The following EML1 variants were observed in gnomAD, a reference collection of about 807,000 sequenced individuals.
EML1 encodes echinoderm microtubule-associated protein-like 1.
In EML1, 27 loss-of-function variants were observed where a neutral mutation model predicts 110.4. The ratio of observed to expected loss-of-function variants is 0.24; its 90% CI spans 0.18 to 0.34. The LOEUF (loss-of-function observed/expected upper bound fraction) is 0.34. Ranked by LOEUF, EML1 falls within the 10% of genes least tolerant of loss-of-function variation. The pLI is 1.00. For synonymous variants in EML1, 344 were observed against 385.8 expected, an observed-to-expected ratio of 0.89 and a Z score of 1.27; for missense variants, 741 against 1,030.9, an observed-to-expected ratio of 0.72 and a Z score of 3.85.
At chr14:99,894,570 T>A in intron 5 of EML1, 59 bp from the exon 6 acceptor site, 2 of 1,555,192 alleles carry the variant, frequency 1.3e-6, no homozygotes, top group Non-Finnish European at 1.7e-6. Context: ...GATAAAGCAT[T>A]TGTTTTCAGG....
intron 9 of EML1, among the ~76,000 whole-genome samples, chr14:99,902,977 A>G (rs1039817389): frequency 6.6e-6 from 1 of 152,228 alleles, no homozygotes; most frequent in Non-Finnish European, 1.5e-5. Context: ...CAGTTTCTCC[A>G]GTTGTGTCCT....
In EML1 at chr14:99,901,054, T is replaced by C. The variant is rs2059754967; in HGVS notation, c.1008+15T>C. ...TCTCAAAATCTGTAAGTATGTGCCC[T>C]GTGGATATTGCTGTCTTCTTCCACA... On this transcript the variant is annotated intron_variant, in intron 9 of 21. Transcript: ENST00000262233. 5.0e-6 allele frequency: 8 copies of C among 1,600,194 alleles called. No homozygotes were observed. Among genetic ancestry groups the C allele is most frequent in the Non-Finnish European group, 6.9e-6 (8 of 1,167,428 alleles).
chr14:99,754,902 G>A (rs1595241205), intron 1 of EML1, among the ~76,000 whole-genome samples: 2 of 152,232 alleles, frequency 1.3e-5, no homozygotes, highest in East Asian at 3.9e-4. Context: ...GAGACAGCAG[G>A]CACCTGCCTC....
chr14:99,865,429 C>T lies in EML1; in HGVS notation c.251-85C>T, dbSNP rs76785508. 51 of 1,557,440 alleles carry T rather than the reference C, an allele frequency of 3.3e-5. No homozygotes were observed. In the African/African-American group the frequency reaches 6.6e-4, roughly 20 times the overall value. ...CCTCCTGCTGTGTGGCCTCATCTTC[C>T]TAACAGGCAGTTGAGGACCCCTGCT... On this transcript the variant is annotated intron_variant, in intron 2 of 21. Transcript: ENST00000262233.
intron 2 of EML1, among the ~76,000 whole-genome samples, chr14:99,851,925 C>T (rs1032738931): frequency 3.9e-5 from 6 of 152,158 alleles, no homozygotes; most frequent in Admixed American, 3.3e-4. Flanking sequence ...GCCCAGTGTT[C>T]CTTTTGAATC....
chr14:99,865,697 G>A (rs1346898195), intron 3 of EML1, 51 bp downstream of exon 3: 2 of 1,587,808 alleles, frequency 1.3e-6, no homozygotes, highest in Non-Finnish European at 1.7e-6. Context: ...TTCTCTCTTA[G>A]ATTCCAACAT....
intron 1 of EML1, among the ~76,000 whole-genome samples, chr14:99,745,383 G>A (rs1218443743): frequency 6.6e-6 from 1 of 152,084 alleles, no homozygotes; most frequent in East Asian, 1.9e-4. Flanking sequence ...TTTTAATGGT[G>A]GGCGTGTACA....
Position 99,836,160 on chromosome 14 carries a change from T to C in EML1, c.68-14693T>C, listed in dbSNP as rs1218392866. On this transcript the variant is annotated intron_variant, in intron 1 of 21. Coordinates refer to ENST00000262233, the MANE Select transcript of EML1 (RefSeq NM_004434.3). ...TAACAGTAATGAGTTTTCTAATCCGTGAACATGGAATATATCTCCGTTTCT... is the reference window on the plus strand; with the variant it reads ...TAACAGTAATGAGTTTTCTAATCCGCGAACATGGAATATATCTCCGTTTCT... 2.0e-5 allele frequency among the ~76,000 whole-genome samples: 3 copies of C among 152,214 alleles called. No homozygotes were observed. In the East Asian group the frequency reaches 5.8e-4, roughly 29 times the overall value.
intron 1 of EML1, among the ~76,000 whole-genome samples, chr14:99,739,115 AGAGAGT>A (rs2057008956): frequency 1.2e-5 from 1 of 85,752 alleles, no homozygotes; most frequent in African/African-American, 4.2e-5. Context: ...AGAGAGAGAG[AGAGAGT>A]GTGTGTGTGT....
At chr14:99,804,980 A>G (rs2139693913) in intron 1 of EML1, among the ~76,000 whole-genome samples, 1 of 152,302 alleles carries the variant, frequency 6.6e-6, no homozygotes, top group Middle Eastern at 3.4e-3. Flanking sequence ...TGAAGGTGCC[A>G]GGCTGTTGTG....
chr14:99,922,820 A>G (rs2060154009), intron 17 of EML1, among the ~76,000 whole-genome samples: 1 of 152,114 alleles, frequency 6.6e-6, no homozygotes, highest in Non-Finnish European at 1.5e-5. Flanking sequence ...TATTTTGCCA[A>G]TTTTTAATTG....
At chr14:99,874,433 A>G (rs1325028849) in intron 3 of EML1, among the ~76,000 whole-genome samples, 5 of 152,228 alleles carry the variant, frequency 3.3e-5, no homozygotes, top group African/African-American at 1.2e-4. Flanking sequence ...CAGTACTTCT[A>G]CCACTTTCAA....
intron 17 of EML1, among the ~76,000 whole-genome samples, chr14:99,927,214 T>G (rs1412884792): frequency 6.6e-6 from 1 of 152,194 alleles, no homozygotes; most frequent in East Asian, 1.9e-4. Flanking sequence ...CACACAATGG[T>G]AATTGGTTGA....
chr14:99,894,597 G>A, intron 5 of EML1, 32 bp from the exon 6 acceptor site: 2 of 1,601,890 alleles, frequency 1.2e-6, no homozygotes, highest in Non-Finnish European at 8.5e-7. Flanking sequence ...GGGCACTGAG[G>A]TATCTTACTG....
chr14:99,809,779 T>A, intron 1 of EML1: 1 of 454,424 alleles, frequency 2.2e-6, no homozygotes, highest in South Asian at 1.6e-5. Flanking sequence ...TTTAATCGTT[T>A]GTGTTCATTT....
Position 99,909,445 on chromosome 14 carries a change from G to A in EML1, c.1205G>A (p.Gly402Glu). 1.2e-6 allele frequency: 2 copies of A among 1,614,136 alleles called. 1 individual carries two copies. Among genetic ancestry groups the A allele is most frequent in the South Asian group, 2.2e-5 (2 of 91,076 alleles). Residue 402 changes from glycine to glutamate, a missense_variant, in exon 11 of 22, where the codon GGA becomes GAA. Gly to Glu is a moderately conservative substitution (Grantham distance 98). Transcript: ENST00000262233. ...KSHLYFWTLE[G>E]SSLNKKQGLF... ...CATCTCTACTTTTGGACACTAGAAG[G>A]AAGCTCCCTTAATAAGAAGCAAGGA...
rs974533049 is a variant in EML1, at chr14:99,939,597, C to T, written c.2322+270C>T. ...GCCCTCCCCCACGGCTCCCTTGCTC[C>T]GGCCCTGCTCAGCCGCGCCAGCCCT... On this transcript the variant is annotated intron_variant, in intron 21 of 21. Coordinates refer to ENST00000262233, the MANE Select transcript of EML1 (RefSeq NM_004434.3). The surrounding 1 kb of genome is among the most constrained non-coding windows in gnomAD (Gnocchi z 4.2). Among the ~76,000 whole-genome samples, 21 of 152,138 alleles carry T rather than the reference C, an allele frequency of 1.4e-4. No homozygotes were observed. Among genetic ancestry groups the T allele is most frequent in the Non-Finnish European group, 1.9e-4 (13 of 68,020 alleles).
rs1373230413 is a variant in EML1, at chr14:99,909,425, C to G, written c.1185C>G (p.Leu395=). Residue 395 remains leucine (L), a synonymous_variant, in exon 11 of 22, where the codon CTC becomes CTG. Transcript: ENST00000262233. ...TAGTTACTTGTGGAAAATCACATCT[C>G]TACTTTTGGACACTAGAAGGAAGCT... ...NIIVTCGKSH[L]YFWTLEGSSL... The G allele has an allele frequency of 1.9e-6, 3 of 1,614,180 alleles. No individual in the cohort carries two copies. The highest frequency in any genetic ancestry group is 1.7e-6 in the Non-Finnish European group (2 of 1,180,026).
intron 1 of EML1, among the ~76,000 whole-genome samples, chr14:99,746,395 G>A (rs1037170899): frequency 2.6e-5 from 4 of 152,304 alleles, no homozygotes; most frequent in East Asian, 1.9e-4. Context: ...GTCTCAGGGG[G>A]CACCTATGTT....
Sources: gnomAD v4.1 joint callset for allele counts (sites outside exome capture counted in the v4.1 genomes callset) on GRCh38, gnomAD v4.1.1 for gene constraint, Gnocchi (gnomAD v3.1) non-coding constraint, MANE v1.5 for transcripts, NCBI Gene and HGNC (gene_info 2026-07-23, HGNC 2026-07-21) for gene names.